Variants in ABCB4 observed in about 807,000 individuals in gnomAD.
The protein encoded by ABCB4 is ATP binding cassette subfamily B member 4.
A neutral mutation model predicts 145.7 loss-of-function variants in ABCB4; 76 were observed. The observed-to-expected ratio is 0.52, with a 90% confidence interval of 0.43 to 0.63. The LOEUF is 0.63. Among genes scored for constraint, ABCB4 ranks in the 30% least tolerant of loss-of-function variants. The pLI is 0.00. For synonymous variants in ABCB4, 517 were observed against 566.8 expected (o/e 0.91, Z 1.25); for missense variants, 1,234 against 1,553.1 (o/e 0.79, Z 3.45).
At chr7:87,443,511 C>T (rs1811127325) in intron 11 of ABCB4, 67 bp from the exon 12 acceptor site, 6 of 1,603,534 alleles carry the variant, frequency 3.7e-6, no homozygotes, top group Non-Finnish European at 5.1e-6. Context: ...TAATTCGATT[C>T]AGTTTGAAAT....
chr7:87,464,120 AGGCTTGGCAC>A (rs1351272878), intron 3 of ABCB4, among the ~76,000 whole-genome samples: 1 of 152,168 alleles, frequency 6.6e-6, no homozygotes, highest in Non-Finnish European at 1.5e-5. Context: ...GTGATGAGCC[AGGCTTGGCAC>A]AGTGGAGCCT....
At chr7:87,392,482 T>C in the ABCB4 span, 1 of 1,015,636 alleles carries the variant, frequency 9.8e-7, no homozygotes, top group Non-Finnish European at 1.5e-6. Flanking sequence ...ATTACCCCAA[T>C]CCTAATTACA....
intron 3 of ABCB4, among the ~76,000 whole-genome samples, chr7:87,469,904 T>C (rs1029112819): frequency 5.9e-5 from 9 of 152,342 alleles, no homozygotes; most frequent in Non-Finnish European, 1.2e-4. Context: ...AGAGCCTGCA[T>C]TGGCAAGTCA....
chr7:87,393,913 C>T, the ABCB4 span, among the ~76,000 whole-genome samples: 1 of 152,066 alleles, frequency 6.6e-6, no homozygotes, highest in Non-Finnish European at 1.5e-5. Context: ...TTTGAAAAAA[C>T]TCAAAACTGT....
chr7:87,412,060 A>G (rs1177807312), intron 22 of ABCB4, 27 bp from the exon 23 acceptor site: 1 of 1,612,934 alleles, frequency 6.2e-7, no homozygotes, highest in East Asian at 2.2e-5. Context: ...TATACTTGTA[A>G]CCATCTCTTC....
chr7:87,457,298 T>G (rs1812160192), intron 4 of ABCB4, among the ~76,000 whole-genome samples: 1 of 152,030 alleles, frequency 6.6e-6, no homozygotes, highest in South Asian at 2.1e-4. Context: ...TAGTCCCAGC[T>G]ACACAGGAGA....
At chr7:87,460,828 T>TA (rs1418089145) in intron 4 of ABCB4, among the ~76,000 whole-genome samples, 8 of 151,934 alleles carry the variant, frequency 5.3e-5, no homozygotes, top group Admixed American at 5.2e-4. Context: ...CCATAAGAAA[T>TA]AGATTTTTAA....
intron 3 of ABCB4, among the ~76,000 whole-genome samples, chr7:87,465,372 G>T (rs1198887583): frequency 6.6e-6 from 1 of 152,112 alleles, no homozygotes; most frequent in Admixed American, 6.5e-5. Context: ...AAACAAAGCG[G>T]CCAGGAAGCT....
At chr7:87,455,281 G>T (rs1812034897) in intron 4 of ABCB4, among the ~76,000 whole-genome samples, 1 of 152,098 alleles carries the variant, frequency 6.6e-6, no homozygotes, top group Non-Finnish European at 1.5e-5. Flanking sequence ...GAAATCTATT[G>T]TCTATTAATT....
chr7:87,398,170 A>G, downstream of ABCB4: 1 of 375,446 alleles, frequency 2.7e-6, no homozygotes, highest in Non-Finnish European at 5.1e-6. Flanking sequence ...TAAAAACTGT[A>G]GCATGAATTC....
At position 87,431,558 on chromosome 7, in the gene ABCB4, T is replaced by C. The variant is rs558162083; in HGVS notation, c.1739A>G (p.Glu580Gly). 2.5e-6 allele frequency: 4 copies of C among 1,614,086 alleles called. No homozygotes were observed. Among genetic ancestry groups the C allele is most frequent in the East Asian group, 2.2e-5 (1 of 44,882 alleles). The change falls in exon 15 of 28, where the codon GAA becomes GGA. Residue 580 changes from glutamate (E) to glycine (G), a missense_variant. Physicochemically the swap from Glu to Gly is moderately conservative, Grantham distance 98 (BLOSUM62 -2). Around this residue, in one of 7 missense-constraint regions of ABCB4, gnomAD observed 467 missense variants for 632.8 expected, o/e 0.74. Transcript: ENST00000649586. ...TGCTATCACAATGGTGGTCCGGCCT[T>C]CTCTGGCCTAAAAGAACAAAAATGT... is the stretch of plus-strand genomic sequence containing the variant. The part of the protein sequence containing the change: ...EVQAALDKAR[E>G]GRTTIVIAHR...
At chr7:87,426,649 GC>G in intron 16 of ABCB4, 100 bp downstream of exon 16, 1 of 1,166,696 alleles carries the variant, frequency 8.6e-7, no homozygotes, top group Non-Finnish European at 1.3e-6. Context: ...GCTCATAGTA[GC>G]AGTCATCTGT....
the ABCB4 span, chr7:87,382,430 T>G: frequency 1.5e-5 from 25 of 1,613,452 alleles, no homozygotes; most frequent in Admixed American, 6.7e-5. Context: ...ATCTACAGAT[T>G]GCGGCTTATG....
chr7:87,462,984 T>A, intron 3 of ABCB4, 76 bp from the exon 4 acceptor site: 3 of 1,381,238 alleles, frequency 2.2e-6, no homozygotes, highest in Non-Finnish European at 3.0e-6. Flanking sequence ...ATTCTTTGGA[T>A]TTTTATTTAA....
chr7:87,443,533 G>T (rs74759437), intron 11 of ABCB4, 89 bp from the exon 12 acceptor site: 2 of 1,557,494 alleles, frequency 1.3e-6, no homozygotes, highest in Non-Finnish European at 8.8e-7. Flanking sequence ...TGAAAAAAAA[G>T]TATCAAATAA....
At chr7:87,459,553 AT>A (rs927645004) in intron 4 of ABCB4, among the ~76,000 whole-genome samples, 8 of 151,806 alleles carry the variant, frequency 5.3e-5, no homozygotes, top group Admixed American at 1.3e-4. Context: ...TGTTAATCTG[AT>A]TTTTTTAACC....
At chr7:87,460,284 A>G (rs1264884383) in intron 4 of ABCB4, among the ~76,000 whole-genome samples, 1 of 152,036 alleles carries the variant, frequency 6.6e-6, no homozygotes, top group Non-Finnish European at 1.5e-5. Context: ...TTTTCTTTTT[A>G]AAATAATTTC....
At position 87,431,517 on chromosome 7, in the gene ABCB4, C is replaced by T. The variant is rs995775133; in HGVS notation, c.1780G>A (p.Val594Ile). ...CCAGCGATGACATCTGCATTTCGGA[C>T]CGTAGACAGTCGGTGTGCTATCACA... ...TIVIAHRLSTVRNADVIAGFE... is the reference protein window; with the variant it reads ...TIVIAHRLSTIRNADVIAGFE... The change falls in exon 15 of 28, where the codon GTC becomes ATC. Residue 594 changes from valine to isoleucine, a missense_variant. Around this residue, in one of 7 missense-constraint regions of ABCB4, gnomAD observed 321 missense variants for 332.6 expected, o/e 0.97. Coordinates refer to ENST00000649586, the MANE Select transcript of ABCB4 (RefSeq NM_000443.4). The T allele has an allele frequency of 1.2e-6, 2 of 1,614,006 alleles. No homozygotes were observed. Among genetic ancestry groups the T allele is most frequent in the Non-Finnish European group, 1.7e-6 (2 of 1,179,990 alleles).
intron 4 of ABCB4, among the ~76,000 whole-genome samples, chr7:87,458,856 C>T (rs915537235): frequency 2.6e-5 from 4 of 151,990 alleles, no homozygotes; most frequent in Admixed American, 6.6e-5. Context: ...GCAACTCTCG[C>T]GAGTTTATCT....
Sources: gnomAD v4.1 joint callset for allele counts (sites outside exome capture counted in the v4.1 genomes callset) on GRCh38, gnomAD v4.1.1 for gene constraint, gnomAD v4.1.1 regional missense constraint, MANE v1.5 for transcripts, NCBI Gene and HGNC (gene_info 2026-07-23, HGNC 2026-07-21) for gene names.